The following NBEA variants were observed in gnomAD, a reference collection of about 807,000 sequenced individuals.
NBEA encodes lysosomal-trafficking regulator 2.
A neutral mutation model predicts 343.4 loss-of-function variants in NBEA; 44 were observed. The ratio of observed to expected loss-of-function variants is 0.13; its 90% confidence interval spans 0.10 to 0.16. NBEA has a LOEUF of 0.16. NBEA is among the 10% of genes least tolerant of loss of function. NBEA has a pLI of 1.00. For synonymous variants in NBEA, 1,175 were observed against 1,238.7 expected (o/e 0.95, Z 1.08); for missense variants, 2,555 against 3,631.3 (o/e 0.70, Z 7.62).
intron 18 of NBEA, among the ~76,000 whole-genome samples, chr13:35,154,910 G>A (rs2069052450): frequency 6.6e-6 from 1 of 151,474 alleles, no homozygotes; most frequent in East Asian, 1.9e-4. Flanking sequence ...AGGATCTCAG[G>A]AGCCCAGGAG....
intron 36 of NBEA, among the ~76,000 whole-genome samples, chr13:35,329,985 A>G (rs760702130): frequency 5.9e-5 from 9 of 151,934 alleles, no homozygotes; most frequent in Non-Finnish European, 1.2e-4. Context: ...ACTGTCATTT[A>G]CTACCACAAA....
intron 36 of NBEA, among the ~76,000 whole-genome samples, chr13:35,337,151 T>C (rs2039311523): frequency 6.6e-6 from 1 of 152,086 alleles, no homozygotes; most frequent in Non-Finnish European, 1.5e-5. Context: ...CAGAAGTCCT[T>C]TCTTATCGAT....
intron 14 of NBEA, 137 bp from the exon 15 acceptor site, chr13:35,118,091 A>C: frequency 2.0e-6 from 1 of 507,358 alleles, no homozygotes; most frequent in East Asian, 3.3e-5. Context: ...AAATTGTGAA[A>C]TGTGTGGGGA....
At chr13:35,430,403 T>C (rs377745435) in intron 38 of NBEA, among the ~76,000 whole-genome samples, 8 of 152,206 alleles carry the variant, frequency 5.3e-5, no homozygotes, top group African/African-American at 1.4e-4. Context: ...CTGTTTACTC[T>C]ACTGATTATT....
chr13:35,218,732 C>G (rs545920826), intron 33 of NBEA, among the ~76,000 whole-genome samples: 50 of 151,924 alleles, frequency 3.3e-4, no homozygotes, highest in Non-Finnish European at 5.3e-4. Context: ...TTATCTTATG[C>G]TTTTTAAATA....
At chr13:34,984,939 C>T in intron 1 of NBEA, among the ~76,000 whole-genome samples, 1 of 150,930 alleles carries the variant, frequency 6.6e-6, no homozygotes, top group Non-Finnish European at 1.5e-5. Context: ...AGATTTTGGG[C>T]TGAGATGATG....
At chr13:35,436,754 G>T (rs1004633790) in intron 39 of NBEA, among the ~76,000 whole-genome samples, 24 of 150,884 alleles carry the variant, frequency 1.6e-4, no homozygotes, top group Admixed American at 1.6e-3. Flanking sequence ...AGTGCTAACT[G>T]TGTAGAATTT....
chr13:35,366,613 T>C, intron 38 of NBEA, among the ~76,000 whole-genome samples: 1 of 150,324 alleles, frequency 6.7e-6, no homozygotes, highest in South Asian at 2.1e-4. Context: ...GTTCATTCAT[T>C]TTAATTTTAT....
intron 48 of NBEA, among the ~76,000 whole-genome samples, chr13:35,607,308 A>G (rs2082320042): frequency 6.6e-6 from 1 of 152,174 alleles, no homozygotes; most frequent in African/African-American, 2.4e-5. Flanking sequence ...CCTCCTACCT[A>G]GGCCTCCCAG....
At chr13:35,668,111 C>G (rs1364267025) in intron 57 of NBEA, among the ~76,000 whole-genome samples, 1 of 152,144 alleles carries the variant, frequency 6.6e-6, no homozygotes, top group Admixed American at 6.5e-5. Context: ...ATAATATTCT[C>G]TTGGGAATTT....
chr13:35,205,152 T>TA (rs928587162), intron 31 of NBEA, among the ~76,000 whole-genome samples: 9 of 152,276 alleles, frequency 5.9e-5, no homozygotes, highest in Admixed American at 5.9e-4. Flanking sequence ...GAAACAATAT[T>TA]AAGGACAAGA....
At chr13:35,491,865 A>G (rs1432752860) in intron 41 of NBEA, among the ~76,000 whole-genome samples, 1 of 152,004 alleles carries the variant, frequency 6.6e-6, no homozygotes. Context: ...TTAAATGCCA[A>G]ACACAAGAGA....
chr13:35,407,133 T>TG (rs1358671535), intron 38 of NBEA, among the ~76,000 whole-genome samples: 6 of 89,678 alleles, frequency 6.7e-5, no homozygotes, highest in Admixed American at 1.3e-4. Context: ...CTAATTTTTG[T>TG]GTTTTTTTTT....
chr13:35,591,317 T>C (rs1428657450), intron 46 of NBEA, among the ~76,000 whole-genome samples: 1 of 152,134 alleles, frequency 6.6e-6, no homozygotes, highest in Non-Finnish European at 1.5e-5. Flanking sequence ...ATCCCCATTT[T>C]ATTTAATATA....
intron 41 of NBEA, among the ~76,000 whole-genome samples, chr13:35,548,968 GTC>G (rs1209519176): frequency 2.0e-5 from 3 of 152,110 alleles, no homozygotes; most frequent in Non-Finnish European, 4.4e-5. Context: ...TATGTTCTTT[GTC>G]TCTGCTTAAA....
intron 38 of NBEA, among the ~76,000 whole-genome samples, chr13:35,420,495 T>C (rs2044204843): frequency 6.6e-6 from 1 of 151,974 alleles, no homozygotes; most frequent in African/African-American, 2.4e-5. Context: ...TGTACTGTTT[T>C]TGGTTTTTGT....
chr13:35,110,871 C>T lies in NBEA; in HGVS notation c.1895C>T (p.Thr632Ile), dbSNP rs1394512997. The change falls in exon 13 of 59, where the codon ACC becomes ATC. Residue 632 changes from threonine (T) to isoleucine (I), a missense_variant. By Grantham distance (89) the Thr-to-Ile change is moderately conservative (BLOSUM62 -1). Transcript: ENST00000379939. ...AEFIGTATIY[T>I]TIRRVGTVLQ... ...TTTATTGGAACTGCTACCATCTACA[C>T]CACCATACGCAGAGTAGGAACAGTA... 5.0e-6 allele frequency: 8 copies of T among 1,612,310 alleles called. No homozygotes were observed. The highest frequency in any genetic ancestry group is 1.3e-5 in the African/African-American group (1 of 74,872).
chr13:35,581,591 G>A (rs1401501193), intron 45 of NBEA, among the ~76,000 whole-genome samples: 1 of 151,846 alleles, frequency 6.6e-6, no homozygotes, highest in Non-Finnish European at 1.5e-5. Flanking sequence ...TAGGGACATG[G>A]ATGAAATTGG....
chr13:35,074,126 G>A (rs577524312), intron 10 of NBEA, among the ~76,000 whole-genome samples: 1 of 152,250 alleles, frequency 6.6e-6, no homozygotes, highest in Non-Finnish European at 1.5e-5. Context: ...TTTATTACTA[G>A]TACAACTTTG....
Sources: allele counts gnomAD v4.1 joint callset (sites outside exome capture counted in the v4.1 genomes callset), GRCh38; gene constraint gnomAD v4.1.1; transcripts MANE v1.5; gene names NCBI Gene and HGNC (gene_info 2026-07-23, HGNC 2026-07-21).